The following DPP4 variants were observed in gnomAD, a reference collection of about 807,000 sequenced individuals.
The protein encoded by DPP4 is ADCP-2.
Under a neutral mutation model 122.4 loss-of-function variants are expected in DPP4, and 93 were observed. That is an observed-to-expected ratio of 0.76 (90% CI 0.64 to 0.90). The LOEUF (loss-of-function observed/expected upper bound fraction) is 0.90. DPP4 is among the 40% of genes least tolerant of loss of function. DPP4 has a pLI of 0.00. For synonymous variants in DPP4, 321 were observed against 302.9 expected (o/e 1.06, Z -0.62); for missense variants, 914 against 907.3 (o/e 1.01, Z -0.09).
At chr2:162,068,899 G>C (rs1426380677) in intron 2 of DPP4, among the ~76,000 whole-genome samples, 2 of 151,992 alleles carry the variant, frequency 1.3e-5, no homozygotes, top group African/African-American at 4.8e-5. Context: ...TGGGGAACTG[G>C]GGCCCACACA....
At chr2:162,024,702 C>A in intron 11 of DPP4, 102 bp downstream of exon 11, 1 of 1,454,178 alleles carries the variant, frequency 6.9e-7, no homozygotes, top group African/African-American at 1.4e-5. Context: ...AGAAGAGAAA[C>A]TCAAACTTCA....
chr2:162,021,179 A>G (rs1386004211), intron 12 of DPP4, among the ~76,000 whole-genome samples: 2 of 152,198 alleles, frequency 1.3e-5, no homozygotes, highest in East Asian at 3.8e-4. Context: ...TTTGAAACTC[A>G]GACTTAGTAT....
intron 20 of DPP4, among the ~76,000 whole-genome samples, chr2:162,011,263 G>A (rs1455166953): frequency 1.4e-4 from 22 of 152,084 alleles, no homozygotes; most frequent in Admixed American, 1.4e-3. Context: ...ACGTAACAGA[G>A]CCCTTATACA....
In DPP4 at chr2:161,994,997, T is replaced by C. The variant is rs1301875389; in HGVS notation, c.2163A>G (p.Lys721=). 1 of 1,614,096 alleles carries C rather than the reference T, an allele frequency of 6.2e-7. No individual in the cohort carries two copies. Residue 721 remains lysine (K), a synonymous_variant, in exon 25 of 26, where the codon AAA becomes AAG. Transcript: ENST00000360534. ...VHFQQSAQIS[K]ALVDVGVDFQ... is the part of the protein sequence containing the mutation. Reference sequence around the variant, plus strand: ...AATCCACTCCAACATCGACCAGGGCTTTGGAGATCTGAGCTGACTGCTGAA... The same window carrying C: ...AATCCACTCCAACATCGACCAGGGCCTTGGAGATCTGAGCTGACTGCTGAA...
chr2:162,033,466 C>T, intron 10 of DPP4, 75 bp downstream of exon 10: 7 of 1,091,228 alleles, frequency 6.4e-6, no homozygotes, highest in Middle Eastern at 2.0e-4. Context: ...TCCACTTTGC[C>T]ATTCACTTTT....
At chr2:162,073,247 A>G (rs761620630) in intron 2 of DPP4, 152 bp downstream of exon 2, 65 of 690,272 alleles carry the variant, frequency 9.4e-5, no homozygotes, top group Non-Finnish European at 1.6e-4. Flanking sequence ...CTGCTGCTCT[A>G]CAAGCAGCAA....
chr2:162,023,920 T>C (rs977680623), intron 11 of DPP4, among the ~76,000 whole-genome samples: 3 of 152,194 alleles, frequency 2.0e-5, no homozygotes, highest in Non-Finnish European at 4.4e-5. Context: ...GGGGCAGGCA[T>C]GCTGACTAAT....
At chr2:162,006,440 G>A (rs1020614203) in intron 22 of DPP4, among the ~76,000 whole-genome samples, 3 of 152,082 alleles carry the variant, frequency 2.0e-5, no homozygotes, top group Non-Finnish European at 4.4e-5. Context: ...TTTATTTGCT[G>A]TATATCCCCA....
chr2:162,046,275 C>T lies in DPP4; in HGVS notation c.285+640G>A, dbSNP rs1035400218. Among the ~76,000 whole-genome samples the T allele has an allele frequency of 3.3e-5, 5 of 152,194 alleles. No homozygotes were observed. The South Asian group carries it at 1.0e-3, about 32-fold the overall frequency. On this transcript the variant is annotated intron_variant, in intron 4 of 25. Transcript: ENST00000360534. ...AATGAGGGTTTAAGCGAGGACTGTCCAGTGGAAATGGAAACTGAGAGATAC... is the reference window on the plus strand; with the variant it reads ...AATGAGGGTTTAAGCGAGGACTGTCTAGTGGAAATGGAAACTGAGAGATAC...
At chr2:161,997,518 G>T (rs1023260330) in intron 23 of DPP4, among the ~76,000 whole-genome samples, 1 of 152,142 alleles carries the variant, frequency 6.6e-6, no homozygotes, top group Non-Finnish European at 1.5e-5. Context: ...TCAAGCACTT[G>T]CAGTGTCCAC....
chr2:162,059,646 A>G (rs1684693876), intron 2 of DPP4, among the ~76,000 whole-genome samples: 1 of 152,224 alleles, frequency 6.6e-6, no homozygotes, highest in African/African-American at 2.4e-5. Context: ...GACTCATTGA[A>G]GAAGTCTCCC....
Position 162,047,536 on chromosome 2 carries a change from T to C in DPP4, c.95-35A>G, listed in dbSNP as rs759654769. ...AGAAAGAGCCAAATGTTCATTTCAG[T>C]AAGATGGAATAACCTAAGTTTTGGA... is the stretch of plus-strand genomic sequence containing the variant. On this transcript the variant is annotated intron_variant, in intron 2 of 25. Transcript: ENST00000360534. The C allele has an allele frequency of 5.7e-6, 8 of 1,411,452 alleles. No individual in the cohort carries two copies. The South Asian group carries it at 1.0e-4, about 18-fold the overall frequency. 87.4% of individuals were successfully genotyped at this position (1,411,452 alleles called of 1,614,324 possible).
chr2:162,042,318 CTA>C (rs1315514892), intron 5 of DPP4, among the ~76,000 whole-genome samples: 1 of 152,206 alleles, frequency 6.6e-6, no homozygotes, highest in Non-Finnish European at 1.5e-5. Context: ...ACTATTATCT[CTA>C]TTTCCAGAGC....
intron 8 of DPP4, 102 bp downstream of exon 8, chr2:162,038,200 C>CT: frequency 1.7e-6 from 2 of 1,170,346 alleles, no homozygotes; most frequent in Non-Finnish European, 2.4e-6. Flanking sequence ...AACAATGAAA[C>CT]TTTTTTTCAA....
At chr2:162,001,149 A>G (rs1419544326) in intron 23 of DPP4, among the ~76,000 whole-genome samples, 2 of 152,218 alleles carry the variant, frequency 1.3e-5, no homozygotes, top group Non-Finnish European at 2.9e-5. Flanking sequence ...AATATGTTGC[A>G]TAACATTTTT....
At chr2:162,012,066 G>T in intron 19 of DPP4, 79 bp from the exon 20 acceptor site, 1 of 1,403,110 alleles carries the variant, frequency 7.1e-7, no homozygotes, top group Non-Finnish European at 9.8e-7. Context: ...CTTCTCCGTG[G>T]AGAAGTATGC....
chr2:162,045,638 A>C (rs771088090), intron 4 of DPP4, 26 bp from the exon 5 acceptor site: 1 of 1,528,964 alleles, frequency 6.5e-7, no homozygotes, highest in African/African-American at 1.4e-5. Context: ...AACAAAGAAA[A>C]ATTGAACAAT....
At chr2:162,049,437 T>C (rs1684305422) in intron 2 of DPP4, among the ~76,000 whole-genome samples, 1 of 141,616 alleles carries the variant, frequency 7.1e-6, no homozygotes, top group African/African-American at 2.6e-5. Flanking sequence ...TGAGAACACA[T>C]GGACATATGG....
intron 5 of DPP4, among the ~76,000 whole-genome samples, chr2:162,042,411 C>T (rs1203884033): frequency 6.6e-6 from 1 of 152,124 alleles, no homozygotes; most frequent in Admixed American, 6.5e-5. Context: ...CTCACTTGCT[C>T]ATTTATTTAT....
Sources: allele counts gnomAD v4.1 joint callset (sites outside exome capture counted in the v4.1 genomes callset), GRCh38; gene constraint gnomAD v4.1.1; transcripts MANE v1.5; gene names NCBI Gene and HGNC (gene_info 2026-07-23, HGNC 2026-07-21).